The following DPYD variants were observed in gnomAD, a reference collection of about 807,000 sequenced individuals.
The protein encoded by DPYD is dihydropyrimidine dehydrogenase.
Under a neutral mutation model 116.2 loss-of-function variants are expected in DPYD, and 109 were observed. The observed-to-expected ratio is 0.94, with a 90% CI of 0.80 to 1.10. The LOEUF (loss-of-function observed/expected upper bound fraction) is 1.10, where lower values mean the gene tolerates loss of function less well. Ranked by LOEUF, DPYD falls within the 50% of genes least tolerant of loss-of-function variation. The probability of loss-of-function intolerance (pLI) is 0.00; values close to 1 mark genes in which losing one functional copy is unlikely to be tolerated. For synonymous variants in DPYD, 440 were observed against 432.0 expected (o/e 1.02, Z -0.23); for missense variants, 1,302 against 1,254.5 (o/e 1.04, Z -0.57).
intron 1 of DPYD, among the ~76,000 whole-genome samples, chr1:97,908,509 C>G (rs1054769228): frequency 6.6e-6 from 1 of 151,980 alleles, no homozygotes; most frequent in Non-Finnish European, 1.5e-5. Context: ...CAACTCCACT[C>G]AATTTTTTAC....
chr1:97,200,227 A>T (rs903940348), intron 19 of DPYD, among the ~76,000 whole-genome samples: 2 of 152,166 alleles, frequency 1.3e-5, no homozygotes, highest in African/African-American at 4.8e-5. Context: ...TTCATTTCTT[A>T]TCATACAGGT....
intron 20 of DPYD, among the ~76,000 whole-genome samples, chr1:97,126,812 G>A (rs1652880012): frequency 6.6e-6 from 1 of 152,154 alleles, no homozygotes; most frequent in Non-Finnish European, 1.5e-5. Context: ...TTTTGCACAT[G>A]ATTTCCACAT....
intron 20 of DPYD, among the ~76,000 whole-genome samples, chr1:97,185,848 A>G (rs1404661430): frequency 6.6e-6 from 1 of 152,302 alleles, no homozygotes; most frequent in East Asian, 1.9e-4. Context: ...AAAGTGCACA[A>G]GGCAGCTTCT....
chr1:97,390,767 C>A (rs866398603), intron 14 of DPYD, among the ~76,000 whole-genome samples: 1 of 151,830 alleles, frequency 6.6e-6, no homozygotes, highest in South Asian at 2.1e-4. Flanking sequence ...GAGATGTTTT[C>A]CAACACAACA....
chr1:97,664,052 T>G (rs2100875760), intron 8 of DPYD, among the ~76,000 whole-genome samples: 1 of 152,302 alleles, frequency 6.6e-6, no homozygotes, highest in East Asian at 1.9e-4. Flanking sequence ...TGTAAGCCTC[T>G]TGATAACAAG....
chr1:97,919,781 A>T (rs892331080), intron 1 of DPYD, among the ~76,000 whole-genome samples: 2 of 152,218 alleles, frequency 1.3e-5, no homozygotes, highest in African/African-American at 4.8e-5. Context: ...AGAGATGTCC[A>T]CATAATACAC....
chr1:97,849,851 T>C (rs1404235449), intron 2 of DPYD, among the ~76,000 whole-genome samples: 1 of 152,206 alleles, frequency 6.6e-6, no homozygotes, highest in African/African-American at 2.4e-5. Context: ...AGTGTTTGAA[T>C]AGAGCTTTTC....
chr1:97,384,811 T>C (rs936753568), intron 14 of DPYD, among the ~76,000 whole-genome samples: 8 of 151,794 alleles, frequency 5.3e-5, no homozygotes, highest in Admixed American at 4.6e-4. Context: ...CACAAAAAGG[T>C]TGAACAACGT....
intron 20 of DPYD, among the ~76,000 whole-genome samples, chr1:97,120,802 T>C (rs1652367589): frequency 6.6e-6 from 1 of 152,176 alleles, no homozygotes; most frequent in Non-Finnish European, 1.5e-5. Flanking sequence ...TGAAGAAATA[T>C]GGAGGGTCTT....
At chr1:97,610,987 ATGTG>A (rs34312119) in intron 8 of DPYD, among the ~76,000 whole-genome samples, 1 of 151,390 alleles carries the variant, frequency 6.6e-6, no homozygotes, top group Non-Finnish European at 1.5e-5. Flanking sequence ...GTATATATAT[ATGTG>A]TGTGTGTGTG....
intron 2 of DPYD, among the ~76,000 whole-genome samples, chr1:97,857,057 C>T (rs1242267234): frequency 6.6e-6 from 1 of 152,124 alleles, no homozygotes; most frequent in Non-Finnish European, 1.5e-5. Context: ...CTCCAAGAAC[C>T]CTATTTCCCA....
intron 8 of DPYD, among the ~76,000 whole-genome samples, chr1:97,662,169 T>A (rs778522233): frequency 3.0e-4 from 46 of 150,994 alleles, no homozygotes; most frequent in Non-Finnish European, 5.5e-4. Flanking sequence ...TCCGGCTAAT[T>A]TTTTGTATTT....
chr1:97,520,827 A>G (rs1439716831), intron 12 of DPYD, among the ~76,000 whole-genome samples: 1 of 152,152 alleles, frequency 6.6e-6, no homozygotes, highest in Non-Finnish European at 1.5e-5. Context: ...GAGGCTGCGT[A>G]GTATTCCATG....
At chr1:97,218,752 A>AC (rs1188790894) in intron 19 of DPYD, among the ~76,000 whole-genome samples, 2 of 152,164 alleles carry the variant, frequency 1.3e-5, no homozygotes, top group African/African-American at 4.8e-5. Context: ...TGCCAAATCA[A>AC]AAGTGATGAG....
chr1:97,481,314 T>C (rs1678296659), intron 13 of DPYD, among the ~76,000 whole-genome samples: 1 of 152,004 alleles, frequency 6.6e-6, no homozygotes, highest in Non-Finnish European at 1.5e-5. Flanking sequence ...AGATCGGAGG[T>C]AGAGGCAGGG....
intron 2 of DPYD, among the ~76,000 whole-genome samples, chr1:97,849,432 G>C (rs1211813251): frequency 2.0e-5 from 3 of 151,678 alleles, no homozygotes. Flanking sequence ...ATTGTTCTAA[G>C]CAAGTGCTTT....
intron 10 of DPYD, among the ~76,000 whole-genome samples, chr1:97,588,345 A>G (rs1482372500): frequency 6.6e-6 from 1 of 152,140 alleles, no homozygotes; most frequent in Non-Finnish European, 1.5e-5. Flanking sequence ...AGATCTTTGA[A>G]ATATACTTTG....
Position 97,714,300 on chromosome 1 carries a change from G to T in DPYD, c.483+7210C>A, listed in dbSNP as rs578185516. 3.3e-5 allele frequency among the ~76,000 whole-genome samples: 5 copies of T among 152,006 alleles called. No individual in the cohort carries two copies. The East Asian group carries it at 9.7e-4, about 30-fold the overall frequency. On this transcript the variant is annotated intron_variant, in intron 5 of 22. Transcript: ENST00000370192. The stretch of plus-strand genomic sequence containing the variant: ...GCAATCTCGGCTCATTGCAACCTCT[G>T]CCTCCAGGTTCAAGTGATTCTCCTG...
chr1:97,497,481 T>C (rs1373370039), intron 13 of DPYD, among the ~76,000 whole-genome samples: 1 of 151,882 alleles, frequency 6.6e-6, no homozygotes, highest in Non-Finnish European at 1.5e-5. Context: ...GAAAAAAATA[T>C]GGAAAGTGGA....
Sources: gnomAD v4.1 joint callset for allele counts (sites outside exome capture counted in the v4.1 genomes callset) on GRCh38, gnomAD v4.1.1 for gene constraint, MANE v1.5 for transcripts, NCBI Gene and HGNC (gene_info 2026-07-23, HGNC 2026-07-21) for gene names.